SHB: variants seen among roughly 807,000 people sequenced by gnomAD.
SHB encodes SH2 domain containing adaptor protein B, also known as SH2 domain-containing adapter protein B.
Under a neutral mutation model 52.3 loss-of-function variants are expected in SHB, and 20 were observed. The ratio of observed to expected loss-of-function variants is 0.38; its 90% CI spans 0.27 to 0.56. The LOEUF (loss-of-function observed/expected upper bound fraction) is 0.56, where lower values mean the gene tolerates loss of function less well. Ranked by LOEUF, SHB falls within the 20% of genes least tolerant of loss-of-function variation. The probability of loss-of-function intolerance (pLI) is 0.71; values close to 1 mark genes in which losing one functional copy is unlikely to be tolerated. For synonymous variants in SHB, 397 were observed against 316.5 expected (o/e 1.25, Z -2.70); for missense variants, 825 against 723.3 (o/e 1.14, Z -1.61).
At position 38,068,704 on chromosome 9, in the gene SHB, G is replaced by C. The variant is rs1013253575; in HGVS notation, c.-59C>G. ...CCCGGTCCGCCGCCGCGGCCATTCG[G>C]GGGGCAGCGCTGCGGCGCAGGTCCC... is the stretch of plus-strand genomic sequence containing the variant. On this transcript the variant is annotated 5_prime_UTR_variant, in exon 1 of 6. Transcript: ENST00000377707. 6.6e-6 allele frequency: 8 copies of C among 1,217,600 alleles called. No individual in the cohort carries two copies. In the South Asian group the frequency reaches 9.1e-5, roughly 14 times the overall value. 75.4% of individuals were successfully genotyped at this position (1,217,600 alleles called of 1,614,324 possible).
chr9:37,979,796 A>T (rs185301786), intron 2 of SHB, among the ~76,000 whole-genome samples: 106 of 152,246 alleles, frequency 7.0e-4, no homozygotes, highest in African/African-American at 2.4e-3. Context: ...ATCTCTACTA[A>T]TAATACAAAA....
intron 2 of SHB, among the ~76,000 whole-genome samples, chr9:37,991,442 G>A (rs1820880972): frequency 6.6e-6 from 1 of 152,178 alleles, no homozygotes; most frequent in Non-Finnish European, 1.5e-5. Flanking sequence ...TTCATGTAAT[G>A]TTTATACATT....
chr9:37,916,195 C>T lies in SHB; in HGVS notation c.*3626G>A, dbSNP rs1034318189. Among the ~76,000 whole-genome samples the T allele has an allele frequency of 2.0e-5, 3 of 152,224 alleles. No individual in the cohort carries two copies. Among genetic ancestry groups the T allele is most frequent in the African/African-American group, 4.8e-5 (2 of 41,464 alleles). On this transcript the variant is annotated 3_prime_UTR_variant, in exon 6 of 6. Coordinates refer to ENST00000377707, the MANE Select transcript of SHB (RefSeq NM_003028.3). ...CCTGCACTCCCTCTGGATGGCTTGC[C>T]GAATTTGGTCTTCGCTGATCACCAA... is the stretch of plus-strand genomic sequence containing the variant.
chr9:38,063,218 C>A (rs1821917375), intron 1 of SHB, among the ~76,000 whole-genome samples: 2 of 152,230 alleles, frequency 1.3e-5, no homozygotes, highest in African/African-American at 2.4e-5. Context: ...ATTTTAAGAA[C>A]TGGAGAGTGT....
chr9:37,976,807 A>G (rs1007462290), intron 2 of SHB, among the ~76,000 whole-genome samples: 3 of 152,214 alleles, frequency 2.0e-5, no homozygotes, highest in Admixed American at 2.0e-4. Flanking sequence ...CTGATGGCAT[A>G]AAGATATGGC....
In SHB at chr9:37,928,886, A is replaced by G. The variant is rs79886202; in HGVS notation, c.1347-8882T>C. 8.6e-3 allele frequency among the ~76,000 whole-genome samples: 1,304 copies of G among 152,360 alleles called. 19 individuals are homozygous for G. The highest frequency in any genetic ancestry group is 0.03 in the African/African-American group (1,236 of 41,584). ...AGCAGCACATGGTGGGAGATGTACC[A>G]CATCTGAGGAGACTCCAGAGCAGGA... is the stretch of plus-strand genomic sequence containing the variant. On this transcript the variant is annotated intron_variant, in intron 5 of 5. Coordinates refer to ENST00000377707, the MANE Select transcript of SHB (RefSeq NM_003028.3).
At chr9:37,965,036 G>C (rs1027918905) in intron 3 of SHB, among the ~76,000 whole-genome samples, 1 of 152,198 alleles carries the variant, frequency 6.6e-6, no homozygotes, top group African/African-American at 2.4e-5. Context: ...CTAGAGCCTG[G>C]GAAAGTGACT....
At chr9:38,042,005 G>C (rs971467674) in intron 1 of SHB, among the ~76,000 whole-genome samples, 1 of 152,222 alleles carries the variant, frequency 6.6e-6, no homozygotes. Context: ...TGGCGCTGCA[G>C]TCTGTTCTAA....
rs746898377 is a variant in SHB at position 38,068,175 on chromosome 9, G to T, written c.471C>A (p.Gly157=). ...GAAASSSSSS[G]SPHLYRSSSE... ...TGCTGCTGCGGTAGAGATGCGGAGA[G>T]CCGGAGGACGAGGACGAGGACGCGG... Residue 157 remains glycine (G), a synonymous_variant, in exon 1 of 6, where the codon GGC becomes GGA. Coordinates refer to ENST00000377707, the MANE Select transcript of SHB (RefSeq NM_003028.3). 5.6e-6 allele frequency: 8 copies of T among 1,431,372 alleles called. No homozygotes were observed. In the Middle Eastern group the frequency reaches 7.0e-4, roughly 125 times the overall value. The allele number at this position is 1,431,372 out of a possible 1,614,324, so 88.7% of individuals were successfully genotyped here.
intron 3 of SHB, among the ~76,000 whole-genome samples, chr9:37,971,391 C>T (rs147243737): frequency 6.6e-6 from 1 of 152,256 alleles, no homozygotes; most frequent in Non-Finnish European, 1.5e-5. Context: ...GGTGGCCCAC[C>T]CACCTCTCCA....
chr9:38,068,595 C>T lies in SHB; in HGVS notation c.51G>A (p.Lys17=). The stretch of plus-strand genomic sequence containing the variant: ...CTGGCCGCGGCGGCTGCGGGGGGCT[C>T]TTGGTCTTGCTGTTGCCCAAGCTGA... ...KYFSLGNSKT[K]SPPQPPRPDY... The change falls in exon 1 of 6, where the codon AAG becomes AAA. Residue 17 remains lysine, a synonymous_variant. Transcript: ENST00000377707. 2.0e-6 allele frequency: 3 copies of T among 1,495,002 alleles called. No individual in the cohort carries two copies. The highest frequency in any genetic ancestry group is 2.6e-6 in the Non-Finnish European group (3 of 1,133,652). 92.6% of individuals were successfully genotyped at this position (1,495,002 alleles called of 1,614,324 possible). A position where few individuals can be genotyped will look rare whatever the true frequency, so the allele number is the denominator to read the frequency against.
chr9:38,051,568 T>C (rs1821750379), intron 1 of SHB, among the ~76,000 whole-genome samples: 1 of 151,794 alleles, frequency 6.6e-6, no homozygotes, highest in South Asian at 2.1e-4. Context: ...GGGAATATCA[T>C]CCAGGCTGTG....
intron 2 of SHB, among the ~76,000 whole-genome samples, chr9:37,986,885 C>T (rs562445087): frequency 1.3e-5 from 2 of 152,322 alleles, no homozygotes; most frequent in African/African-American, 4.8e-5. Flanking sequence ...TTCTGAGTAT[C>T]GACAGACCAC....
chr9:37,996,043 C>T (rs1290962554), intron 2 of SHB, among the ~76,000 whole-genome samples: 1 of 152,160 alleles, frequency 6.6e-6, no homozygotes, highest in Admixed American at 6.5e-5. Context: ...ATGAAATGTA[C>T]CAGGGTGCTT....
At chr9:38,018,393 CACTT>C (rs1821243500) in intron 1 of SHB, among the ~76,000 whole-genome samples, 1 of 152,082 alleles carries the variant, frequency 6.6e-6, no homozygotes, top group East Asian at 1.9e-4. Flanking sequence ...CTGCCTGCTC[CACTT>C]ACTTCCGTTT....
intron 1 of SHB, among the ~76,000 whole-genome samples, chr9:38,063,270 C>T (rs940580629): frequency 2.6e-5 from 4 of 152,206 alleles, no homozygotes; most frequent in African/African-American, 9.7e-5. Flanking sequence ...TCATGTTTGA[C>T]CCCGGCTTCA....
At chr9:37,996,248 G>A (rs187982895) in intron 2 of SHB, among the ~76,000 whole-genome samples, 6 of 152,352 alleles carry the variant, frequency 3.9e-5, no homozygotes, top group African/African-American at 1.4e-4. Flanking sequence ...ACTTTCAGGA[G>A]CATCTGAACC....
intron 3 of SHB, among the ~76,000 whole-genome samples, chr9:37,963,379 C>T (rs1832714791): frequency 6.6e-6 from 1 of 152,140 alleles, no homozygotes; most frequent in Non-Finnish European, 1.5e-5. Flanking sequence ...CGTGTGTAGA[C>T]TGCTTGCAAG....
intron 5 of SHB, among the ~76,000 whole-genome samples, chr9:37,948,155 A>T (rs939065369): frequency 1.3e-5 from 2 of 152,164 alleles, no homozygotes; most frequent in Non-Finnish European, 2.9e-5. Context: ...CACAAACCGC[A>T]AGCCAGAGCT....
Sources: allele counts gnomAD v4.1 joint callset (sites outside exome capture counted in the v4.1 genomes callset), GRCh38; gene constraint gnomAD v4.1.1; transcripts MANE v1.5; gene names NCBI Gene and HGNC (gene_info 2026-07-23, HGNC 2026-07-21).